The following HOXA3 variants were observed in gnomAD, a reference collection of about 807,000 sequenced individuals.
The protein encoded by HOXA3 is homeobox A3, also known as homeobox protein Hox-A3.
A neutral mutation model predicts 30.3 loss-of-function variants in HOXA3; 8 were observed. The ratio of observed to expected loss-of-function variants is 0.26; its 90% CI spans 0.15 to 0.48. The LOEUF (loss-of-function observed/expected upper bound fraction) is 0.48. Ranked by LOEUF, HOXA3 falls within the 20% of genes least tolerant of loss-of-function variation. The pLI is 0.99. For missense variants in HOXA3, 653 were observed against 614.4 expected, an observed-to-expected ratio of 1.06 and a Z score of -0.66; for synonymous variants, 323 against 273.1, an observed-to-expected ratio of 1.18 and a Z score of -1.80.
chr7:27,111,598 G>C (rs1342946495), intron 4 of HOXA3, among the ~76,000 whole-genome samples: 1 of 151,860 alleles, frequency 6.6e-6, no homozygotes, highest in African/African-American at 2.4e-5. Flanking sequence ...TCCTCTCCCT[G>C]TTTCTCAGGC....
intron 2 of HOXA3, among the ~76,000 whole-genome samples, chr7:27,138,606 C>T (rs951678281): frequency 7.9e-5 from 12 of 152,106 alleles, no homozygotes; most frequent in Non-Finnish European, 7.4e-5. Flanking sequence ...AGAAAAAGAT[C>T]CCAGGACAGG....
chr7:27,143,137 G>A (rs1312372357), intron 1 of HOXA3: 3 of 1,608,028 alleles, frequency 1.9e-6, no homozygotes, highest in African/African-American at 1.3e-5. Flanking sequence ...TCGCCTGCTC[G>A]CTGCTGGCAG....
At chr7:27,145,652 A>G (rs774940325) in intron 1 of HOXA3, 13 of 1,611,964 alleles carry the variant, frequency 8.1e-6, no homozygotes, top group Non-Finnish European at 1.1e-5. Context: ...GTCCCTGCCC[A>G]GGCATCTACT....
In HOXA3 at chr7:27,108,101, G is replaced by A. The variant is rs1259202041; in HGVS notation, c.1146C>T (p.Leu382=). ...VEPMSNSGPA[L]FGLTHLPHAA... is the part of the protein sequence containing the mutation. The stretch of plus-strand genomic sequence containing the variant: ...CGTGGGGGAGGTGAGTTAGACCAAA[G>A]AGGGCTGGCCCGGAGTTGCTCATGG... The change falls in exon 6 of 6, where the codon CTC becomes CTT. Residue 382 remains leucine (L), a synonymous_variant. Coordinates refer to ENST00000612286, the MANE Select transcript of HOXA3 (RefSeq NM_153631.3). The surrounding 1 kb of genome is among the most constrained non-coding windows in gnomAD (Gnocchi z 5.0). The A allele has an allele frequency of 6.2e-7, 1 of 1,611,718 alleles. No homozygotes were observed. Among genetic ancestry groups the A allele is most frequent in the East Asian group, 2.2e-5 (1 of 44,810 alleles).
chr7:27,118,829 T>A (rs1051227650), intron 4 of HOXA3, among the ~76,000 whole-genome samples: 2 of 152,158 alleles, frequency 1.3e-5, no homozygotes, highest in African/African-American at 4.8e-5. Context: ...CCTCACAGCC[T>A]GCCATTGTAT....
intron 2 of HOXA3, among the ~76,000 whole-genome samples, chr7:27,129,765 C>T (rs1245914049): frequency 6.6e-6 from 1 of 152,210 alleles, no homozygotes; most frequent in Non-Finnish European, 1.5e-5. Context: ...ACGGGAAACA[C>T]CCGAGAGCCA....
chr7:27,108,362 C>G lies in HOXA3; in HGVS notation c.885G>C (p.Pro295=), dbSNP rs1196520134. The change falls in exon 6 of 6, where the codon CCG becomes CCC. Residue 295 remains proline, a synonymous_variant. Transcript: ENST00000612286. This position sits in a 1 kb window ranked among gnomAD's most constrained non-coding sequence, Gnocchi z 5.0. ...NSVPYEPQSP[P]PFSKPPQGTY... ...TACCCTGGGGGGGCTTGGAGAAGGG[C>G]GGGGGCGACTGGGGCTCATACGGGA... The G allele has an allele frequency of 6.5e-7, 1 of 1,537,832 alleles. No homozygotes were observed. Among genetic ancestry groups the G allele is most frequent in the South Asian group, 1.2e-5 (1 of 83,354 alleles).
In HOXA3 at chr7:27,108,439, G is replaced by C; in HGVS notation, c.808C>G (p.Pro270Ala). Residue 270 changes from proline to alanine, a missense_variant, in exon 6 of 6, where the codon CCC (proline) becomes GCC (alanine). Transcript: ENST00000612286. This position sits in a 1 kb window ranked among gnomAD's most constrained non-coding sequence, Gnocchi z 5.0. ...TTCAGATAGCCACCGGCTCCGGGGG[G>C]CACGGGGCTGCGACTTGGAGACTGG... is the stretch of plus-strand genomic sequence containing the variant. ...GGQSPSRSPVPPGAGGYLNSM... is the reference protein window; with the variant it reads ...GGQSPSRSPVAPGAGGYLNSM... The C allele has an allele frequency of 1.2e-6, 2 of 1,613,874 alleles. No individual in the cohort carries two copies. Among genetic ancestry groups the C allele is most frequent in the Non-Finnish European group, 8.5e-7 (1 of 1,179,920 alleles).
chr7:27,121,220 CGTGTGTGTGTGTGTGT>C (rs142198002), intron 4 of HOXA3: 15 of 137,928 alleles, frequency 1.1e-4, no homozygotes, highest in East Asian at 2.1e-4. Context: ...CCACTGTGTG[CGTGTGTGTGTGTGTGT>C]GTGTGTGTGT....
intron 3 of HOXA3, among the ~76,000 whole-genome samples, chr7:27,126,191 T>C (rs1379063466): frequency 6.6e-6 from 1 of 152,194 alleles, no homozygotes; most frequent in Non-Finnish European, 1.5e-5. Flanking sequence ...GAGTGTTAAG[T>C]ACTTAATTCA....
At chr7:27,144,260 A>T (rs1246314841) in intron 1 of HOXA3, among the ~76,000 whole-genome samples, 1 of 152,178 alleles carries the variant, frequency 6.6e-6, no homozygotes, top group Non-Finnish European at 1.5e-5. Context: ...GGGGAAAGCC[A>T]TTTAGCCAAT....
At chr7:27,139,817 A>C (rs1782476109) in intron 2 of HOXA3, among the ~76,000 whole-genome samples, 1 of 152,134 alleles carries the variant, frequency 6.6e-6, no homozygotes, top group South Asian at 2.1e-4. Context: ...CGCCGGCGGG[A>C]GCAGCGGAAG....
intron 1 of HOXA3, chr7:27,143,192 C>T (rs2128060645): frequency 6.2e-7 from 1 of 1,611,482 alleles, no homozygotes; most frequent in Admixed American, 1.7e-5. Context: ...CCCCTCTCTG[C>T]TGCTGATGTG....
chr7:27,107,895 G>T lies in HOXA3; in HGVS notation c.*20C>A, dbSNP rs779731853. On this transcript the variant is annotated 3_prime_UTR_variant, in exon 6 of 6. Coordinates refer to ENST00000612286, the MANE Select transcript of HOXA3 (RefSeq NM_153631.3). ...GTGGGTGGGGGGAGACTCTCCTGGC[G>T]CGTAGCCCCAAGCCCACTATCACAG... 6.8e-7 allele frequency: 1 copy of T among 1,474,796 alleles called. No homozygotes were observed. Among genetic ancestry groups the T allele is most frequent in the Non-Finnish European group, 9.1e-7 (1 of 1,093,606 alleles). 91.4% of individuals were successfully genotyped at this position (1,474,796 alleles called of 1,614,324 possible). A position where few individuals can be genotyped will look rare whatever the true frequency, so the allele number is the denominator to read the frequency against.
chr7:27,120,816 C>G (rs1165966077), intron 4 of HOXA3: 2 of 152,234 alleles, frequency 1.3e-5, no homozygotes, highest in African/African-American at 4.8e-5. Context: ...TATGAGAGAT[C>G]TTGGCCTGGG....
In HOXA3 at chr7:27,152,467, C is replaced by T; in HGVS notation, c.-673G>A. The T allele has an allele frequency of 8.7e-7, 1 of 1,154,028 alleles. No individual in the cohort carries two copies. The highest frequency in any genetic ancestry group is 1.7e-5 in the South Asian group (1 of 60,392). 71.5% of individuals were successfully genotyped at this position (1,154,028 alleles called of 1,614,324 possible). On this transcript the variant is annotated 5_prime_UTR_variant, in exon 1 of 6. An upstream open reading frame in the 5' UTR gains an earlier in-frame stop. Transcript: ENST00000612286. ...CGCGCCCAATCTCCAGCGGGAGCCG[C>T]CAGGCCTGGCCTGGCCGGGGCTTCC...
chr7:27,113,780 C>T lies in HOXA3; in HGVS notation c.-120-3020G>A, dbSNP rs933656734. On this transcript the variant is annotated intron_variant, in intron 4 of 5. Coordinates refer to ENST00000612286, the MANE Select transcript of HOXA3 (RefSeq NM_153631.3). The surrounding 1 kb of genome is among the most constrained non-coding windows in gnomAD (Gnocchi z 4.8). Reference sequence around the variant, plus strand: ...CAGGCGGGCTGGAGACCCCGAGGCCCGGTCACCGCCGCGCAGAGCGTGGCC... The same window carrying T: ...CAGGCGGGCTGGAGACCCCGAGGCCTGGTCACCGCCGCGCAGAGCGTGGCC... 1 of 152,100 alleles carries T rather than the reference C, an allele frequency of 6.6e-6. No homozygotes were observed. The highest frequency in any genetic ancestry group is 2.1e-4 in the South Asian group (1 of 4,832). 9.4% of individuals were successfully genotyped at this position (152,100 alleles called of 1,614,324 possible). A position where few individuals can be genotyped will look rare whatever the true frequency, so the allele number is the denominator to read the frequency against.
chr7:27,110,588 T>C lies in HOXA3; in HGVS notation c.53A>G (p.Tyr18Cys). The C allele has an allele frequency of 6.2e-7, 1 of 1,607,682 alleles. No homozygotes were observed. The highest frequency in any genetic ancestry group is 8.5e-7 in the Non-Finnish European group (1 of 1,175,588). ...DSSAIYGGYP[Y>C]QAANGFAYNA... ...ATAAGCGAACCCGTTGGCTGCCTGG[T>C]AGGGGTAGCCACCGTAGATCGCCGA... The change falls in exon 5 of 6, where the codon TAC becomes TGC. Residue 18 changes from tyrosine to cysteine, a missense_variant. Transcript: ENST00000612286.
In HOXA3 at chr7:27,108,464, G is replaced by C. The variant is rs775157094; in HGVS notation, c.783C>G (p.Gly261=). The C allele has an allele frequency of 2.5e-6, 4 of 1,614,032 alleles. No individual in the cohort carries two copies. Among genetic ancestry groups the C allele is most frequent in the Admixed American group, 3.3e-5 (2 of 60,016 alleles). ...KGKGMLTSSG[G]QSPSRSPVPP... is the part of the protein sequence containing the mutation. Reference sequence around the variant, plus strand: ...GCACGGGGCTGCGACTTGGAGACTGGCCCCCCGATGACGTTAGCATGCCCT... The same window carrying C: ...GCACGGGGCTGCGACTTGGAGACTGCCCCCCCGATGACGTTAGCATGCCCT... The change falls in exon 6 of 6, where the codon GGC becomes GGG. Residue 261 remains glycine, a synonymous_variant. Transcript: ENST00000612286. The surrounding 1 kb of genome is among the most constrained non-coding windows in gnomAD (Gnocchi z 5.0).
Sources: gnomAD v4.1 joint callset for allele counts (sites outside exome capture counted in the v4.1 genomes callset) on GRCh38, gnomAD v4.1.1 for gene constraint, Gnocchi (gnomAD v3.1) non-coding constraint, MANE v1.5 for transcripts, NCBI Gene and HGNC (gene_info 2026-07-23, HGNC 2026-07-21) for gene names.